EVC2: variants seen among roughly 807,000 people sequenced by gnomAD.
EVC2 encodes limbin.
A neutral mutation model predicts 149.3 loss-of-function variants in EVC2; 148 were observed. That is an observed-to-expected ratio of 0.99 (90% CI 0.87 to 1.14). EVC2 has a LOEUF of 1.14. Ranked by LOEUF, EVC2 falls within the 50% of genes most tolerant of loss-of-function variation. The pLI is 0.00. For synonymous variants in EVC2, 776 were observed against 649.9 expected, an observed-to-expected ratio of 1.19 and a Z score of -2.95; for missense variants, 1,854 against 1,627.3, an observed-to-expected ratio of 1.14 and a Z score of -2.40.
intron 21 of EVC2, among the ~76,000 whole-genome samples, chr4:5,547,348 C>T (rs751891111): frequency 2.0e-5 from 3 of 152,218 alleles, no homozygotes; most frequent in Non-Finnish European, 4.4e-5. Flanking sequence ...ACAGCCTGGG[C>T]GCCATGAATG....
the EVC2 span, among the ~76,000 whole-genome samples, chr4:5,530,535 G>T: frequency 6.6e-6 from 1 of 152,108 alleles, no homozygotes; most frequent in African/African-American, 2.4e-5. Flanking sequence ...GTGTGTGTGT[G>T]TGTGTGGTAA....
At chr4:5,647,568 T>C (rs370730031) in intron 9 of EVC2, among the ~76,000 whole-genome samples, 12 of 152,334 alleles carry the variant, frequency 7.9e-5, no homozygotes, top group African/African-American at 2.9e-4. Flanking sequence ...AAGAGCTGCC[T>C]CAAAGCAGTG....
chr4:5,547,557 C>T (rs182358962), intron 21 of EVC2, among the ~76,000 whole-genome samples: 1 of 152,190 alleles, frequency 6.6e-6, no homozygotes, highest in Non-Finnish European at 1.5e-5. Flanking sequence ...CACTTCCTCC[C>T]CTCTGAAGCC....
intron 1 of EVC2, among the ~76,000 whole-genome samples, chr4:5,698,643 T>G (rs184513219): frequency 3.0e-4 from 46 of 152,340 alleles, no homozygotes; most frequent in Non-Finnish European, 5.0e-4. Context: ...GTGCTTACGC[T>G]ATGTGCACTG....
chr4:5,584,491 G>C, intron 17 of EVC2, 132 bp downstream of exon 17: 1 of 930,608 alleles, frequency 1.1e-6, no homozygotes, highest in Non-Finnish European at 1.7e-6. Context: ...ATGTCACTTC[G>C]TTTAATCCTC....
chr4:5,540,203 G>A (rs116704951), downstream of EVC2, among the ~76,000 whole-genome samples: 555 of 152,326 alleles, frequency 3.6e-3, 2 homozygotes, highest in African/African-American at 0.012. Context: ...TGAGAATGTG[G>A]AGGAACCAGA....
At chr4:5,558,859 G>T (rs922957297), downstream of EVC2, among the ~76,000 whole-genome samples, 2 of 152,162 alleles carry the variant, frequency 1.3e-5, no homozygotes, top group East Asian at 3.9e-4. Context: ...TAAGTAAATG[G>T]CTGGGAAATG....
At chr4:5,606,468 C>T (rs1233353851) in intron 16 of EVC2, among the ~76,000 whole-genome samples, 3 of 152,140 alleles carry the variant, frequency 2.0e-5, no homozygotes, top group Non-Finnish European at 4.4e-5. Context: ...CAGCTGTTAA[C>T]CCAAGCCAAC....
At chr4:5,611,582 A>T (rs1714822815) in intron 16 of EVC2, among the ~76,000 whole-genome samples, 1 of 152,236 alleles carries the variant, frequency 6.6e-6, no homozygotes, top group Non-Finnish European at 1.5e-5. Flanking sequence ...ACTGGAATTA[A>T]AAACTAAAGA....
At chr4:5,698,454 G>A (rs1221290306) in intron 1 of EVC2, among the ~76,000 whole-genome samples, 1 of 152,148 alleles carries the variant, frequency 6.6e-6, no homozygotes, top group Non-Finnish European at 1.5e-5. Flanking sequence ...CTTCTGAAAA[G>A]TGACCTCAAA....
chr4:5,698,491 T>C (rs775762909), intron 1 of EVC2, among the ~76,000 whole-genome samples: 12 of 152,294 alleles, frequency 7.9e-5, no homozygotes, highest in Admixed American at 1.3e-4. Context: ...CTCAGCCTCA[T>C]TGGTGATGAA....
the EVC2 span, among the ~76,000 whole-genome samples, chr4:5,535,631 G>GAGAGAGAGAGAGAC: frequency 0.016 from 2,404 of 150,724 alleles, 21 homozygotes; most frequent in South Asian, 0.025. This position sits in a 1 kb window ranked among gnomAD's most constrained non-coding sequence, Gnocchi z 4.7. Flanking sequence ...GAGAGAGAGA[G>GAGAGAGAGAGAGAC]AGAAAGAGAT....
At chr4:5,557,080 A>C (rs1224478487) in intron 21 of EVC2, among the ~76,000 whole-genome samples, 1 of 152,172 alleles carries the variant, frequency 6.6e-6, no homozygotes, top group Non-Finnish European at 1.5e-5. Flanking sequence ...TCACAGGACC[A>C]GTATAACTGT....
chr4:5,608,839 G>A (rs1320201424), intron 16 of EVC2, among the ~76,000 whole-genome samples: 1 of 152,148 alleles, frequency 6.6e-6, no homozygotes, highest in Non-Finnish European at 1.5e-5. Context: ...GCCTGGAAGA[G>A]ATGAGTATCT....
rs1432999792 is a variant in EVC2, at chr4:5,640,172, T to G, written c.1470+342A>C. 2.0e-5 allele frequency among the ~76,000 whole-genome samples: 3 copies of G among 150,752 alleles called. No homozygotes were observed. Among genetic ancestry groups the G allele is most frequent in the African/African-American group, 4.9e-5 (2 of 40,900 alleles). On this transcript the variant is annotated intron_variant, in intron 10 of 21. Coordinates refer to ENST00000344408, the MANE Select transcript of EVC2 (RefSeq NM_147127.5). The surrounding 1 kb of genome is among the most constrained non-coding windows in gnomAD (Gnocchi z 4.6). ...GTGATGGGTGGCATGGATGGGAGGG[T>G]GGATAAATGAGTAGGTGGATGAACA... is the stretch of plus-strand genomic sequence containing the variant.
At chr4:5,665,274 A>G (rs916463997) in intron 8 of EVC2, among the ~76,000 whole-genome samples, 3 of 152,062 alleles carry the variant, frequency 2.0e-5, no homozygotes, top group African/African-American at 7.2e-5. Context: ...TGTGCCTAGG[A>G]ATCGCCACTG....
At chr4:5,592,172 C>G (rs1484621977) in intron 16 of EVC2, among the ~76,000 whole-genome samples, 5 of 152,166 alleles carry the variant, frequency 3.3e-5, no homozygotes, top group African/African-American at 1.2e-4. Flanking sequence ...TGGCTCACAT[C>G]TGTATCCAAA....
chr4:5,537,229 T>C, the EVC2 span, among the ~76,000 whole-genome samples: 2 of 152,052 alleles, frequency 1.3e-5, no homozygotes, highest in African/African-American at 2.4e-5. Context: ...GTTCAAGAGA[T>C]TGCAGGGCAG....
chr4:5,594,455 G>A (rs1487939613), intron 16 of EVC2, among the ~76,000 whole-genome samples: 2 of 152,208 alleles, frequency 1.3e-5, no homozygotes, highest in South Asian at 2.1e-4. Flanking sequence ...TGGTACCCAG[G>A]TAAACAGCGT....
Sources: gnomAD v4.1 joint callset for allele counts (sites outside exome capture counted in the v4.1 genomes callset) on GRCh38, gnomAD v4.1.1 for gene constraint, Gnocchi (gnomAD v3.1) non-coding constraint, MANE v1.5 for transcripts, NCBI Gene and HGNC (gene_info 2026-07-23, HGNC 2026-07-21) for gene names.